JMJD1C: variants seen among roughly 807,000 people sequenced by gnomAD.
The protein encoded by JMJD1C is jumonji domain-containing protein 1C.
A neutral mutation model predicts 245.3 loss-of-function variants in JMJD1C; 31 were observed. That is an observed-to-expected ratio of 0.13 (90% confidence interval 0.09 to 0.17). JMJD1C has a LOEUF of 0.17. Ranked by LOEUF, JMJD1C falls within the 10% of genes least tolerant of loss-of-function variation. The pLI is 1.00. For synonymous variants in JMJD1C, 1,057 were observed against 1,017.4 expected (o/e 1.04, Z -0.74); for missense variants, 2,691 against 3,000.2 (o/e 0.90, Z 2.41).
chr10:63,457,122 A>G (rs1305464971), intron 1 of JMJD1C, among the ~76,000 whole-genome samples: 1 of 152,172 alleles, frequency 6.6e-6, no homozygotes, highest in African/African-American at 2.4e-5. Context: ...AGTAAGTATC[A>G]ATAGATATAA....
chr10:63,505,961 T>G (rs917263839), intron 1 of JMJD1C, among the ~76,000 whole-genome samples: 9 of 152,086 alleles, frequency 5.9e-5, no homozygotes, highest in African/African-American at 2.2e-4. Context: ...TTAGTCTTTC[T>G]TCTCTCCAAT....
chr10:63,212,459 G>A (rs550336172), intron 8 of JMJD1C, among the ~76,000 whole-genome samples: 1 of 152,140 alleles, frequency 6.6e-6, no homozygotes, highest in South Asian at 2.1e-4. Context: ...TTTATACCGG[G>A]GCTAGTATTG....
At position 63,382,636 on chromosome 10, in the gene JMJD1C, G is replaced by T. The variant is rs114891876; in HGVS notation, c.169-2154C>A. Among the ~76,000 whole-genome samples the T allele has an allele frequency of 6.2e-3, 937 of 152,234 alleles. 11 individuals carry two copies. The highest frequency in any genetic ancestry group is 0.021 in the African/African-American group (865 of 41,548). ...AGCATTTCCTTTAAGATGGGAACAAGACAAGGATGTTATAATTTGGAAAAC... is the reference window on the plus strand; with the variant it reads ...AGCATTTCCTTTAAGATGGGAACAATACAAGGATGTTATAATTTGGAAAAC... On this transcript the variant is annotated intron_variant, in intron 1 of 25. Transcript: ENST00000399262.
intron 2 of JMJD1C, chr10:63,373,118 T>C (rs1207949867): frequency 5.8e-6 from 1 of 171,018 alleles, no homozygotes; most frequent in Non-Finnish European, 1.5e-5. Flanking sequence ...CTTTCACAAG[T>C]ATTTTACTTT....
chr10:63,242,930 A>C (rs915022598), intron 3 of JMJD1C, among the ~76,000 whole-genome samples: 3 of 151,776 alleles, frequency 2.0e-5, no homozygotes, highest in Non-Finnish European at 2.9e-5. Context: ...TATAGATAAA[A>C]ATAAAAATTT....
At chr10:63,181,559 T>C (rs539730316) in intron 22 of JMJD1C, among the ~76,000 whole-genome samples, 2 of 152,194 alleles carry the variant, frequency 1.3e-5, no homozygotes, top group African/African-American at 2.4e-5. Flanking sequence ...AACCCTAAAA[T>C]GTTGCTTTGT....
chr10:63,349,223 G>C (rs925836706), intron 2 of JMJD1C, among the ~76,000 whole-genome samples: 2 of 150,636 alleles, frequency 1.3e-5, no homozygotes, highest in African/African-American at 4.9e-5. Context: ...TTGGCATCAT[G>C]CTTCTTCTAC....
intron 2 of JMJD1C, among the ~76,000 whole-genome samples, chr10:63,371,517 A>AT (rs1347505469): frequency 6.6e-6 from 1 of 152,060 alleles, no homozygotes; most frequent in Non-Finnish European, 1.5e-5. Flanking sequence ...TAAACCTTTC[A>AT]TTTTTTTAAT....
intron 1 of JMJD1C, among the ~76,000 whole-genome samples, chr10:63,449,338 A>T (rs1028627537): frequency 6.6e-6 from 1 of 152,182 alleles, no homozygotes; most frequent in Admixed American, 6.5e-5. Context: ...AACAAAAGAC[A>T]TGATAAGGAA....
In JMJD1C at chr10:63,184,744, G is replaced by A. The variant is rs753973711; in HGVS notation, c.6831-6C>T. 2 of 1,598,970 alleles carry A rather than the reference G, an allele frequency of 1.3e-6. No individual in the cohort carries two copies. Among genetic ancestry groups the A allele is most frequent in the Admixed American group, 3.6e-5 (2 of 55,914 alleles). On this transcript the variant is annotated splice_polypyrimidine_tract_variant and splice_region_variant and intron_variant, in intron 20 of 25. Transcript: ENST00000399262. ...TTTTTAAAAGATCTTCGTATCTGAA[G>A]AAAAACAACATTGCCTTCTTATAAA...
chr10:63,486,860 A>G (rs1954016851), intron 1 of JMJD1C, among the ~76,000 whole-genome samples: 1 of 152,136 alleles, frequency 6.6e-6, no homozygotes, highest in Non-Finnish European at 1.5e-5. Context: ...ACCCCTTATC[A>G]TCATCAGACA....
intron 18 of JMJD1C, 90 bp from the exon 19 acceptor site, chr10:63,186,473 C>CCTG: frequency 9.1e-7 from 1 of 1,092,906 alleles, no homozygotes; most frequent in Non-Finnish European, 1.3e-6. Flanking sequence ...GAGTCTTGCT[C>CCTG]TCTTACCCAG....
At chr10:63,310,135 T>C (rs966809677) in intron 2 of JMJD1C, among the ~76,000 whole-genome samples, 6 of 152,150 alleles carry the variant, frequency 3.9e-5, no homozygotes, top group African/African-American at 1.2e-4. Context: ...GCGTAAACCC[T>C]ATCTAACAGC....
chr10:63,422,230 G>A (rs1245387910), intron 1 of JMJD1C, among the ~76,000 whole-genome samples: 1 of 152,110 alleles, frequency 6.6e-6, no homozygotes, highest in African/African-American at 2.4e-5. Flanking sequence ...TGGTCAACAT[G>A]GTGAAACCCC....
At chr10:63,450,210 A>G (rs1190072424) in intron 1 of JMJD1C, among the ~76,000 whole-genome samples, 1 of 152,066 alleles carries the variant, frequency 6.6e-6, no homozygotes, top group Admixed American at 6.6e-5. Context: ...ATCACAAAAT[A>G]ATTTTTTTTT....
At chr10:63,320,369 G>A (rs1385122132) in intron 2 of JMJD1C, among the ~76,000 whole-genome samples, 2 of 151,854 alleles carry the variant, frequency 1.3e-5, no homozygotes, top group Non-Finnish European at 2.9e-5. Context: ...CTGTAATCCA[G>A]TATATTATTT....
intron 2 of JMJD1C, among the ~76,000 whole-genome samples, chr10:63,313,318 TAAG>T (rs779035450): frequency 1.3e-5 from 2 of 152,238 alleles, no homozygotes; most frequent in Admixed American, 1.3e-4. Context: ...ATTGTGTGTG[TAAG>T]AATTTCTTTA....
At position 63,465,429 on chromosome 10, in the gene JMJD1C, C is replaced by A; in HGVS notation, c.168+66G>T. On this transcript the variant is annotated intron_variant, in intron 1 of 25. Coordinates refer to ENST00000399262, the MANE Select transcript of JMJD1C (RefSeq NM_032776.3). ...GAGCGAGGCGCCAGAGGGAAGCCTG[C>A]AAGGTACGTCTGCGAGAGCCGGGTG... 3 of 1,455,984 alleles carry A rather than the reference C, an allele frequency of 2.1e-6. No individual in the cohort carries two copies. The Admixed American group carries it at 6.1e-5, about 30-fold the overall frequency. 90.2% of individuals were successfully genotyped at this position (1,455,984 alleles called of 1,614,324 possible).
At chr10:63,191,687 GA>G (rs1844818857) in intron 16 of JMJD1C, among the ~76,000 whole-genome samples, 1 of 151,948 alleles carries the variant, frequency 6.6e-6, no homozygotes, top group African/African-American at 2.4e-5. Flanking sequence ...AAGACAGGTA[GA>G]AAATACAGGT....
Sources: gnomAD v4.1 joint callset for allele counts (sites outside exome capture counted in the v4.1 genomes callset) on GRCh38, gnomAD v4.1.1 for gene constraint, MANE v1.5 for transcripts, NCBI Gene and HGNC (gene_info 2026-07-23, HGNC 2026-07-21) for gene names.